Variants in CCDC91 observed in about 807,000 individuals in gnomAD.
CCDC91 encodes the protein coiled-coil domain containing 91, also known as coiled-coil domain-containing protein 91.
A neutral mutation model predicts 63.2 loss-of-function variants in CCDC91; 48 were observed. The observed-to-expected ratio is 0.76, with a 90% CI of 0.60 to 0.97. CCDC91 has a LOEUF of 0.97. Among genes scored for constraint, CCDC91 ranks in the 50% least tolerant of loss-of-function variants. The pLI is 0.00. For missense variants in CCDC91, 500 were observed against 494.6 expected, an observed-to-expected ratio of 1.01 and a Z score of -0.10; for synonymous variants, 167 against 165.8, an observed-to-expected ratio of 1.01 and a Z score of -0.06.
At chr12:28,354,733 T>G (rs1943412199) in intron 6 of CCDC91, among the ~76,000 whole-genome samples, 1 of 152,158 alleles carries the variant, frequency 6.6e-6, no homozygotes, top group Admixed American at 6.5e-5. Context: ...GGGTTAAAAT[T>G]TACTCAAACT....
chr12:28,420,803 T>C (rs1947959005), intron 8 of CCDC91, among the ~76,000 whole-genome samples: 1 of 151,988 alleles, frequency 6.6e-6, no homozygotes, highest in African/African-American at 2.4e-5. Context: ...GGCAGTGATA[T>C]TTCATTAAAT....
chr12:28,411,841 A>G (rs533832636), intron 8 of CCDC91, among the ~76,000 whole-genome samples: 4 of 152,192 alleles, frequency 2.6e-5, no homozygotes, highest in Non-Finnish European at 5.9e-5. Context: ...GAAAAGAGTG[A>G]CACCTCAAGA....
At chr12:28,258,952 C>T (rs1322746429) in intron 2 of CCDC91, among the ~76,000 whole-genome samples, 2 of 151,964 alleles carry the variant, frequency 1.3e-5, no homozygotes, top group Non-Finnish European at 2.9e-5. Flanking sequence ...GAATTAATCT[C>T]TAATTGGGTC....
At chr12:28,409,480 A>G (rs1240494427) in intron 8 of CCDC91, among the ~76,000 whole-genome samples, 2 of 152,016 alleles carry the variant, frequency 1.3e-5, no homozygotes, top group African/African-American at 4.8e-5. Context: ...AGATTTATCA[A>G]TTCTTTTTTC....
chr12:28,300,660 A>G (rs1362945632), intron 3 of CCDC91, among the ~76,000 whole-genome samples: 2 of 151,594 alleles, frequency 1.3e-5, no homozygotes, highest in Non-Finnish European at 3.0e-5. Flanking sequence ...CATTATAAAA[A>G]ACTTATTGGG....
intron 8 of CCDC91, among the ~76,000 whole-genome samples, chr12:28,430,041 C>T (rs923389099): frequency 8.6e-5 from 13 of 151,524 alleles, no homozygotes; most frequent in African/African-American, 3.2e-4. Context: ...TGTTGGGTGT[C>T]TTAGTACAGT....
intron 11 of CCDC91, among the ~76,000 whole-genome samples, chr12:28,458,513 A>C (rs1173457871): frequency 1.8e-5 from 2 of 110,588 alleles, no homozygotes; most frequent in South Asian, 3.4e-4. Flanking sequence ...TCTGTCGCCC[A>C]GGCTGGATTG....
intron 8 of CCDC91, among the ~76,000 whole-genome samples, chr12:28,435,170 T>A (rs1948839432): frequency 6.6e-6 from 1 of 151,750 alleles, no homozygotes; most frequent in African/African-American, 2.4e-5. Flanking sequence ...ATTTATTTTG[T>A]TTTGCTTACT....
chr12:28,442,085 A>G (rs1813341123), intron 8 of CCDC91, among the ~76,000 whole-genome samples: 1 of 152,078 alleles, frequency 6.6e-6, no homozygotes, highest in Admixed American at 6.6e-5. Context: ...CCATTATTCT[A>G]TTTTGTTTAC....
intron 6 of CCDC91, among the ~76,000 whole-genome samples, chr12:28,315,167 A>ATG (rs902703620): frequency 2.0e-5 from 3 of 150,888 alleles, no homozygotes; most frequent in African/African-American, 7.3e-5. Flanking sequence ...ATATATATAT[A>ATG]TATATTTTTG....
At position 28,190,492 on chromosome 12, in the gene CCDC91, C is replaced by T. The variant is rs1051540863; in HGVS notation, c.-164C>T. 6.5e-6 allele frequency: 1 copy of T among 153,106 alleles called. No homozygotes were observed. Among genetic ancestry groups the T allele is most frequent in the African/African-American group, 2.4e-5 (1 of 41,484 alleles). 9.5% of individuals were successfully genotyped at this position (153,106 alleles called of 1,614,324 possible). On this transcript the variant is annotated 5_prime_UTR_variant, in exon 1 of 13. Coordinates refer to ENST00000536442, the MANE Select transcript of CCDC91 (RefSeq NM_018318.5). ...AAGCCGGGTGGTGCGTGGGCTACCC[C>T]AACCTGTGTGGCTGGGCCGCGGTCT... is the stretch of plus-strand genomic sequence containing the variant.
intron 1 of CCDC91, among the ~76,000 whole-genome samples, chr12:28,212,208 C>G (rs755175485): frequency 6.6e-6 from 1 of 152,136 alleles, no homozygotes; most frequent in Non-Finnish European, 1.5e-5. Context: ...CTGACACTAT[C>G]TGTTAAAAGT....
intron 8 of CCDC91, among the ~76,000 whole-genome samples, chr12:28,416,846 T>TAC (rs932022962): frequency 6.6e-6 from 1 of 152,154 alleles, no homozygotes; most frequent in Non-Finnish European, 1.5e-5. Context: ...GCAATGGTTA[T>TAC]ACACACACAC....
chr12:28,403,537 TG>T (rs1363823502), intron 8 of CCDC91, among the ~76,000 whole-genome samples: 2 of 152,096 alleles, frequency 1.3e-5, no homozygotes, highest in African/African-American at 4.8e-5. Flanking sequence ...CCCATATCTC[TG>T]GGGTCTCTTT....
chr12:28,270,600 A>G (rs1592159397), intron 3 of CCDC91, among the ~76,000 whole-genome samples: 2 of 152,290 alleles, frequency 1.3e-5, no homozygotes, highest in South Asian at 4.1e-4. Context: ...ATTTGCTGAT[A>G]GAATTGTACA....
At chr12:28,264,577 ATGTC>A (rs1408959006) in intron 3 of CCDC91, among the ~76,000 whole-genome samples, 11 of 50,836 alleles carry the variant, frequency 2.2e-4, no homozygotes, top group African/African-American at 6.6e-4. Flanking sequence ...ATATATATAT[ATGTC>A]TGTCTGTGTG....
At chr12:28,450,487 AT>A in intron 10 of CCDC91, 69 bp downstream of exon 10, 1 of 1,047,994 alleles carries the variant, frequency 9.5e-7, no homozygotes, top group Non-Finnish European at 1.5e-6. Flanking sequence ...TATTAATAGT[AT>A]TCTCAATCTT....
chr12:28,357,575 A>G (rs1197066647), intron 6 of CCDC91, among the ~76,000 whole-genome samples: 4 of 152,146 alleles, frequency 2.6e-5, no homozygotes, highest in Non-Finnish European at 5.9e-5. Context: ...GGGAATGAGA[A>G]TACATTCTAA....
intron 1 of CCDC91, among the ~76,000 whole-genome samples, chr12:28,223,870 A>G (rs1035414014): frequency 6.6e-6 from 1 of 152,186 alleles, no homozygotes; most frequent in African/African-American, 2.4e-5. Context: ...AAACTGTAAG[A>G]TTCTCCTTGG....
Sources: gnomAD v4.1 joint callset for allele counts (sites outside exome capture counted in the v4.1 genomes callset) on GRCh38, gnomAD v4.1.1 for gene constraint, MANE v1.5 for transcripts, NCBI Gene and HGNC (gene_info 2026-07-23, HGNC 2026-07-21) for gene names.